The following MLIP variants were observed in gnomAD, a reference collection of about 807,000 sequenced individuals.
MLIP encodes muscular LMNA interacting protein, also known as muscular LMNA-interacting protein.
A neutral mutation model predicts 84.8 loss-of-function variants in MLIP; 79 were observed. That is an observed-to-expected ratio of 0.93 (90% CI 0.78 to 1.12). The LOEUF (loss-of-function observed/expected upper bound fraction) is 1.12. MLIP is among the 50% of genes most tolerant of loss of function. MLIP has a pLI of 0.00. For missense variants in MLIP, 1,257 were observed against 1,160.6 expected (o/e 1.08, Z -1.21); for synonymous variants, 504 against 463.0 (o/e 1.09, Z -1.14).
At chr6:54,125,667 G>A (rs816364) in intron 3 of MLIP, among the ~76,000 whole-genome samples, 87,428 of 152,068 alleles carry the variant, frequency 0.57, 26,086 homozygotes, top group South Asian at 0.7. Flanking sequence ...GAATGCAGAC[G>A]CTGGCTTTGA....
At chr6:54,023,756 G>T (rs1472285656) in intron 1 of MLIP, among the ~76,000 whole-genome samples, 1 of 151,946 alleles carries the variant, frequency 6.6e-6, no homozygotes, top group Non-Finnish European at 1.5e-5. Flanking sequence ...TTTTAGTAGA[G>T]ACTGGGTTTC....
At chr6:54,019,637 A>G (rs1289204180) in intron 1 of MLIP, among the ~76,000 whole-genome samples, 1 of 152,242 alleles carries the variant, frequency 6.6e-6, no homozygotes, top group East Asian at 1.9e-4. Flanking sequence ...CAAATACAAA[A>G]TAGACTATAA....
intron 1 of MLIP, among the ~76,000 whole-genome samples, chr6:54,036,532 T>G (rs1582002764): frequency 6.6e-6 from 1 of 151,994 alleles, no homozygotes; most frequent in African/African-American, 2.4e-5. Context: ...GGAATGGCTG[T>G]TCCCAAAAAG....
intron 1 of MLIP, among the ~76,000 whole-genome samples, chr6:54,063,731 T>C (rs1190953272): frequency 2.8e-4 from 43 of 151,152 alleles, no homozygotes; most frequent in African/African-American, 1.0e-3. Context: ...CGTGTGTGTG[T>C]GTGTGTGTGT....
intron 11 of MLIP, 45 bp from the exon 12 acceptor site, chr6:54,230,669 T>A (rs1011924811): frequency 9.4e-6 from 15 of 1,594,640 alleles, no homozygotes; most frequent in Non-Finnish European, 1.3e-5. Flanking sequence ...CGTGCTTGAC[T>A]TTTTTATGCT....
chr6:54,112,543 G>A (rs1769555956), intron 1 of MLIP, among the ~76,000 whole-genome samples: 1 of 152,170 alleles, frequency 6.6e-6, no homozygotes, highest in Admixed American at 6.5e-5. Context: ...ATGTGGACAG[G>A]AATTTATGTC....
intron 10 of MLIP, among the ~76,000 whole-genome samples, chr6:54,198,878 CTGTG>C (rs66922206): frequency 3.0e-4 from 42 of 137,726 alleles, no homozygotes; most frequent in Middle Eastern, 3.9e-3. Context: ...GTGTGTGTGT[CTGTG>C]TGTGTGTGTG....
At chr6:54,056,685 C>T (rs964794405) in intron 1 of MLIP, among the ~76,000 whole-genome samples, 1 of 152,080 alleles carries the variant, frequency 6.6e-6, no homozygotes, top group Non-Finnish European at 1.5e-5. Flanking sequence ...AGCAAGAATG[C>T]CTTTATTTCC....
At chr6:54,234,179 C>A (rs1582582029) in intron 12 of MLIP, among the ~76,000 whole-genome samples, 1 of 152,074 alleles carries the variant, frequency 6.6e-6, no homozygotes, top group East Asian at 1.9e-4. Flanking sequence ...GATGATGCCT[C>A]TAGTTCCTTT....
At chr6:54,090,995 T>C (rs1767833518) in intron 1 of MLIP, among the ~76,000 whole-genome samples, 1 of 152,140 alleles carries the variant, frequency 6.6e-6, no homozygotes, top group Admixed American at 6.6e-5. Flanking sequence ...ATATCGACAT[T>C]TGGGCCAAAT....
intron 1 of MLIP, among the ~76,000 whole-genome samples, chr6:54,100,888 C>T (rs926697914): frequency 6.6e-6 from 1 of 151,932 alleles, no homozygotes; most frequent in African/African-American, 2.4e-5. Flanking sequence ...TTTGTTTTGC[C>T]CAGGATGAAA....
At chr6:54,240,571 G>T (rs1781668812) in intron 12 of MLIP, among the ~76,000 whole-genome samples, 1 of 152,144 alleles carries the variant, frequency 6.6e-6, no homozygotes, top group Non-Finnish European at 1.5e-5. Context: ...CTTCCTGCGG[G>T]TTTCTGTCTC....
chr6:54,041,857 A>G (rs1764762137), intron 1 of MLIP, among the ~76,000 whole-genome samples: 1 of 152,042 alleles, frequency 6.6e-6, no homozygotes, highest in African/African-American at 2.4e-5. Context: ...AGGCTGTTCT[A>G]TACCTTGTAG....
chr6:54,101,462 T>C (rs1360052612), intron 1 of MLIP, among the ~76,000 whole-genome samples: 3 of 152,138 alleles, frequency 2.0e-5, no homozygotes, highest in Non-Finnish European at 4.4e-5. Context: ...GATGCTTTTA[T>C]TATGCCCCTT....
At position 54,105,653 on chromosome 6, in the gene MLIP, C is replaced by T. The variant is rs145527309; in HGVS notation, c.64-15794C>T. 4.5e-4 allele frequency among the ~76,000 whole-genome samples: 68 copies of T among 152,094 alleles called. 1 individual carries two copies. The highest frequency in any genetic ancestry group is 5.3e-4 in the Non-Finnish European group (36 of 67,982). On this transcript the variant is annotated intron_variant, in intron 1 of 12. Transcript: ENST00000274897. ...TGAAGAAAAATAACATGGGCTAAGA[C>T]GGGTAGAGAGTGCTGGCAGGGGGGC...
intron 5 of MLIP, among the ~76,000 whole-genome samples, chr6:54,150,925 C>T (rs1157990591): frequency 6.6e-6 from 1 of 152,114 alleles, no homozygotes; most frequent in African/African-American, 2.4e-5. Flanking sequence ...GCCTATTATA[C>T]AAGTTCATGT....
chr6:54,252,415 T>C (rs1167972455), intron 12 of MLIP, among the ~76,000 whole-genome samples: 1 of 128,608 alleles, frequency 7.8e-6, no homozygotes, highest in Non-Finnish European at 1.5e-5. Context: ...ATAACTATAG[T>C]ATATTATAAC....
At chr6:54,151,299 A>G (rs1017907658) in intron 5 of MLIP, among the ~76,000 whole-genome samples, 2 of 152,068 alleles carry the variant, frequency 1.3e-5, no homozygotes, top group Non-Finnish European at 2.9e-5. Flanking sequence ...TTTATGAGTT[A>G]CCTCCATTTT....
chr6:54,204,144 T>A (rs1210982989), intron 11 of MLIP, among the ~76,000 whole-genome samples: 1 of 152,208 alleles, frequency 6.6e-6, no homozygotes, highest in Non-Finnish European at 1.5e-5. Context: ...AGTCTGATTT[T>A]TTTAGAAGGC....
Sources: gnomAD v4.1 joint callset for allele counts (sites outside exome capture counted in the v4.1 genomes callset) on GRCh38, gnomAD v4.1.1 for gene constraint, MANE v1.5 for transcripts, NCBI Gene and HGNC (gene_info 2026-07-23, HGNC 2026-07-21) for gene names.